The following PLEKHG4B variants were observed in gnomAD, a reference collection of about 807,000 sequenced individuals.
The protein encoded by PLEKHG4B is pleckstrin homology and RhoGEF domain containing G4B, also known as pleckstrin homology domain-containing family G member 4B.
In PLEKHG4B, 111 loss-of-function variants were observed where a neutral mutation model predicts 121.3. The ratio of observed to expected loss-of-function variants is 0.92; its 90% confidence interval spans 0.78 to 1.07. The LOEUF is 1.07. Among genes scored for constraint, PLEKHG4B ranks in the 50% least tolerant of loss-of-function variants. PLEKHG4B has a pLI of 0.00. For missense variants in PLEKHG4B, 1,831 were observed against 1,757.8 expected (o/e 1.04, Z -0.74); for synonymous variants, 738 against 725.0 (o/e 1.02, Z -0.29).
At chr5:150,577 A>G (rs1735574585) in intron 6 of PLEKHG4B, among the ~76,000 whole-genome samples, 1 of 152,190 alleles carries the variant, frequency 6.6e-6, no homozygotes, top group African/African-American at 2.4e-5. Flanking sequence ...CGGTCTCAAA[A>G]CTCAGTAATA....
rs780357160 is a variant in PLEKHG4B, at chr5:172,912, CA to C, written c.4067del (p.Gln1356ArgfsTer4). The C allele has an allele frequency of 9.3e-6, 15 of 1,614,064 alleles. No individual in the cohort carries two copies. In the Admixed American group the frequency reaches 2.2e-4, roughly 23 times the overall value. ...IRGCDVNLKE[Q>X]GQLRCRDEFI... Reference sequence around the variant, plus strand: ...TCCTCTGCAGGTGAATTTGAAGGAACAGGGGCAGCTGAGATGCCGGGATGAG... The same window carrying C: ...TCCTCTGCAGGTGAATTTGAAGGAACGGGGCAGCTGAGATGCCGGGATGAG... On this transcript the variant is annotated frameshift_variant, in exon 17 of 20. Coordinates refer to ENST00000637938, the MANE Select transcript of PLEKHG4B (RefSeq NM_052909.5). LOFTEE classifies it high-confidence loss of function.
intron 16 of PLEKHG4B, among the ~76,000 whole-genome samples, chr5:172,086 A>G (rs1227376864): frequency 6.6e-6 from 1 of 152,226 alleles, no homozygotes; most frequent in Non-Finnish European, 1.5e-5. Context: ...ATGGCAGAGC[A>G]GGGCCGTGGA....
intron 1 of PLEKHG4B, among the ~76,000 whole-genome samples, chr5:104,675 A>G (rs1357444160): frequency 2.0e-5 from 3 of 152,230 alleles, no homozygotes; most frequent in Non-Finnish European, 4.4e-5. Context: ...CTGGTGAACA[A>G]GGCCCCATGG....
Position 155,400 on chromosome 5 carries a change from C to G in PLEKHG4B, c.2165C>G (p.Ser722Ter). 2 of 1,614,218 alleles carry G rather than the reference C, an allele frequency of 1.2e-6. No homozygotes were observed. Among genetic ancestry groups the G allele is most frequent in the Non-Finnish European group, 1.7e-6 (2 of 1,180,030 alleles). Residue 722 changes from serine (S) to a stop codon, truncating the protein, a stop_gained, in exon 9 of 20, where the codon TCA (serine) becomes TGA (stop). Transcript: ENST00000637938. LOFTEE classifies it high-confidence loss of function. ...GAAGCCATCATTTTCCTACAGAATT[C>G]ATTCTGCTCCCTGAACACCCACAGA... is the stretch of plus-strand genomic sequence containing the variant. ...CEEAIIFLQNSFCSLNTHRTP... is the reference protein window; with the variant it reads ...CEEAIIFLQN
intron 1 of PLEKHG4B, among the ~76,000 whole-genome samples, chr5:105,665 G>A (rs746036505): frequency 2.0e-5 from 3 of 152,226 alleles, no homozygotes; most frequent in Middle Eastern, 3.2e-3. Context: ...TCATTCAGCC[G>A]TGCTGCTAGC....
In PLEKHG4B at chr5:169,565, G is replaced by C; in HGVS notation, c.3702G>C (p.Leu1234Phe). 6.2e-7 allele frequency: 1 copy of C among 1,613,602 alleles called. No individual in the cohort carries two copies. Among genetic ancestry groups the C allele is most frequent in the Non-Finnish European group, 8.5e-7 (1 of 1,180,040 alleles). The change falls in exon 14 of 20, where the codon TTG becomes TTC. Residue 1234 changes from leucine to phenylalanine, a missense_variant. Leu to Phe is a conservative substitution (Grantham distance 22, BLOSUM62 0). Coordinates refer to ENST00000637938, the MANE Select transcript of PLEKHG4B (RefSeq NM_052909.5). ...TGGAGCGCTGCCAGCACTGCCCCTT[G>C]GCCGTGGGCCGCAGTTTCCTGAGAC... is the stretch of plus-strand genomic sequence containing the variant. ...RELERCQHCPLAVGRSFLRHE... is the reference protein window; with the variant it reads ...RELERCQHCPFAVGRSFLRHE...
rs1012196222 is a variant in PLEKHG4B at position 113,676 on chromosome 5, C to T, written c.243+228C>T. 6.6e-6 allele frequency among the ~76,000 whole-genome samples: 1 copy of T among 152,192 alleles called. No individual in the cohort carries two copies. Among genetic ancestry groups the T allele is most frequent in the African/African-American group, 2.4e-5 (1 of 41,454 alleles). ...TGTGGAGCCCTCTTTGTCCCCCACC[C>T]CCAATAAACTTGCACTGCATTCTTT... On this transcript the variant is annotated intron_variant, in intron 2 of 19. Coordinates refer to ENST00000637938, the MANE Select transcript of PLEKHG4B (RefSeq NM_052909.5). The surrounding 1 kb of genome is among the most constrained non-coding windows in gnomAD (Gnocchi z 5.2).
At chr5:105,829 T>G (rs1169096782) in intron 1 of PLEKHG4B, among the ~76,000 whole-genome samples, 1 of 152,178 alleles carries the variant, frequency 6.6e-6, no homozygotes, top group Non-Finnish European at 1.5e-5. Flanking sequence ...ATGGTTGTTA[T>G]CAACTGCTCT....
In PLEKHG4B at chr5:182,872, C is replaced by G. The variant is rs894679454; in HGVS notation, c.*549C>G. On this transcript the variant is annotated 3_prime_UTR_variant, in exon 20 of 20. Transcript: ENST00000637938. ...CTCACCAGATCAGCCCCTCCAGCAC[C>G]TAGTGGGTTGCTACCCATTCGCACA... is the stretch of plus-strand genomic sequence containing the variant. 3 of 159,180 alleles carry G rather than the reference C, an allele frequency of 1.9e-5. No individual in the cohort carries two copies. The highest frequency in any genetic ancestry group is 5.8e-5 in the Admixed American group (1 of 17,232). 9.9% of individuals were successfully genotyped at this position (159,180 alleles called of 1,614,324 possible). A position where few individuals can be genotyped will look rare whatever the true frequency, so the allele number is the denominator to read the frequency against.
chr5:123,906 T>G (rs1734537031), intron 2 of PLEKHG4B, among the ~76,000 whole-genome samples: 1 of 152,136 alleles, frequency 6.6e-6, no homozygotes, highest in Non-Finnish European at 1.5e-5. Flanking sequence ...TGGGTTTAGT[T>G]TTTTTCTTCT....
rs750346523 is a variant in PLEKHG4B, at chr5:182,020, G to A, written c.4581G>A (p.Gly1527=). 14 of 1,613,862 alleles carry A rather than the reference G, an allele frequency of 8.7e-6. No individual in the cohort carries two copies. In the South Asian group the frequency reaches 1.3e-4, roughly 15 times the overall value. Residue 1527 remains glycine, a synonymous_variant, in exon 20 of 20, where the codon GGG becomes GGA. Transcript: ENST00000637938. ...CCTTTCCAGAGTCACAAATGAGAGGGTCCACAGCGGTGTCCTCCTCTGACC... is the reference window on the plus strand; with the variant it reads ...CCTTTCCAGAGTCACAAATGAGAGGATCCACAGCGGTGTCCTCCTCTGACC... ...IVKGTESQMR[G]STAVSSSDHA...
chr5:139,804 C>T lies in PLEKHG4B; in HGVS notation c.565C>T (p.Arg189Ter), dbSNP rs1579276604. ...GCTGACCTCAGGCTTGGCCGTCCAC[C>T]GAGCCCCGTGGAGCGACGTCACTGA... Reference protein sequence around the residue: ...CLLTSGLAVHRAPWSDVTDPV... With the variant: ...CLLTSGLAVH The change falls in exon 3 of 20, where the codon CGA becomes TGA. Residue 189 changes from arginine (R) to a stop codon, truncating the protein, a stop_gained. Coordinates refer to ENST00000637938, the MANE Select transcript of PLEKHG4B (RefSeq NM_052909.5). LOFTEE classifies it high-confidence loss of function. The surrounding 1 kb of genome is among the most constrained non-coding windows in gnomAD (Gnocchi z 5.0). The T allele has an allele frequency of 5.0e-6, 2 of 399,124 alleles. No homozygotes were observed. The highest frequency in any genetic ancestry group is 4.4e-6 in the Non-Finnish European group (1 of 226,386). The allele number at this position is 399,124 out of a possible 1,614,324, so 24.7% of individuals were successfully genotyped here.
chr5:182,023 C>T lies in PLEKHG4B; in HGVS notation c.4584C>T (p.Ser1528=). 6.2e-7 allele frequency: 1 copy of T among 1,614,028 alleles called. No homozygotes were observed. Among genetic ancestry groups the T allele is most frequent in the South Asian group, 1.1e-5 (1 of 91,072 alleles). Residue 1528 remains serine, a synonymous_variant, in exon 20 of 20, where the codon TCC becomes TCT. Coordinates refer to ENST00000637938, the MANE Select transcript of PLEKHG4B (RefSeq NM_052909.5). ...TTCCAGAGTCACAAATGAGAGGGTCCACAGCGGTGTCCTCCTCTGACCACG... is the reference window on the plus strand; with the variant it reads ...TTCCAGAGTCACAAATGAGAGGGTCTACAGCGGTGTCCTCCTCTGACCACG... ...VKGTESQMRG[S]TAVSSSDHAA...
chr5:160,778 C>G (rs961256512), intron 11 of PLEKHG4B, among the ~76,000 whole-genome samples: 4 of 152,038 alleles, frequency 2.6e-5, no homozygotes, highest in African/African-American at 9.7e-5. Context: ...CAATGACAGC[C>G]GATTTTTCCA....
chr5:95,111 TTTGA>T (rs1215135877), intron 1 of PLEKHG4B, among the ~76,000 whole-genome samples: 1 of 152,212 alleles, frequency 6.6e-6, no homozygotes, highest in African/African-American at 2.4e-5. Context: ...TTGAATTCTT[TTTGA>T]TTGATCTTAC....
intron 2 of PLEKHG4B, among the ~76,000 whole-genome samples, chr5:134,216 A>G (rs1734877728): frequency 6.7e-6 from 1 of 150,090 alleles, no homozygotes; most frequent in South Asian, 2.1e-4. Context: ...AAGTGAAATA[A>G]CCAAGAATGG....
chr5:118,940 T>A (rs964602820), intron 2 of PLEKHG4B, among the ~76,000 whole-genome samples: 1 of 151,788 alleles, frequency 6.6e-6, no homozygotes, highest in African/African-American at 2.4e-5. Context: ...AGCCTTGACC[T>A]CCTGGGCTCA....
At chr5:166,768 C>G (rs1244236150) in intron 13 of PLEKHG4B, among the ~76,000 whole-genome samples, 1 of 152,204 alleles carries the variant, frequency 6.6e-6, no homozygotes, top group Non-Finnish European at 1.5e-5. Context: ...TAGGTTTAAT[C>G]TGAACGGAGA....
intron 16 of PLEKHG4B, among the ~76,000 whole-genome samples, chr5:171,796 C>T (rs562306093): frequency 6.8e-4 from 104 of 152,344 alleles, no homozygotes; most frequent in African/African-American, 2.4e-3. Flanking sequence ...TGGACGTGAG[C>T]GCTGCACCCC....
Sources: gnomAD v4.1 joint callset for allele counts (sites outside exome capture counted in the v4.1 genomes callset) on GRCh38, gnomAD v4.1.1 for gene constraint, Gnocchi (gnomAD v3.1) non-coding constraint, MANE v1.5 for transcripts, NCBI Gene and HGNC (gene_info 2026-07-23, HGNC 2026-07-21) for gene names.